Variants in AMPH observed in about 807,000 individuals in gnomAD.
AMPH encodes the protein amphiphysin, also known as amphiphysin (Stiff-Mann syndrome with breast cancer 128kD autoantigen).
In AMPH, 49 loss-of-function variants were observed where a neutral mutation model predicts 99.1. The observed-to-expected ratio is 0.49, with a 90% CI of 0.39 to 0.63. The LOEUF is 0.63. AMPH is among the 20% of genes least tolerant of loss of function. AMPH has a pLI of 0.00. For synonymous variants in AMPH, 314 were observed against 317.3 expected (o/e 0.99, Z 0.11); for missense variants, 759 against 863.4 (o/e 0.88, Z 1.52).
intron 11 of AMPH, among the ~76,000 whole-genome samples, chr7:38,455,636 T>A (rs1020468202): frequency 1.3e-5 from 2 of 152,162 alleles, no homozygotes; most frequent in Admixed American, 6.5e-5. Context: ...GGACTCCACA[T>A]ACCCACCACC....
chr7:38,617,798 TA>T (rs1374136591), intron 1 of AMPH, among the ~76,000 whole-genome samples: 2 of 152,114 alleles, frequency 1.3e-5, no homozygotes, highest in Admixed American at 1.3e-4. Context: ...AGATGTTGCA[TA>T]TATCTTGAGG....
At chr7:38,422,539 A>G in intron 15 of AMPH, 62 bp from the exon 16 acceptor site, 6 of 1,258,624 alleles carry the variant, frequency 4.8e-6, no homozygotes, top group Non-Finnish European at 7.0e-6. Flanking sequence ...GCTACCATCA[A>G]TTGTGTCTGC....
chr7:38,438,537 A>C lies in AMPH; in HGVS notation c.1018-2149T>G, dbSNP rs2392574. On this transcript the variant is annotated intron_variant, in intron 11 of 20. Coordinates refer to ENST00000356264, the MANE Select transcript of AMPH (RefSeq NM_001635.4). ...ATTCTCAAAGTTCTGCAAGTTCTCC[A>C]TAAAATTTTAGGTCATGGGAATATA... is the stretch of plus-strand genomic sequence containing the variant. Among the ~76,000 whole-genome samples the C allele has an allele frequency of 1.4e-4, 5 of 37,004 alleles. No individual in the cohort carries two copies. The Admixed American group carries it at 1.7e-3, about 13-fold the overall frequency. 24.3% of individuals were successfully genotyped at this position (37,004 alleles called of 152,430 possible).
At chr7:38,569,629 CT>C (rs1416036099) in intron 1 of AMPH, among the ~76,000 whole-genome samples, 2 of 151,668 alleles carry the variant, frequency 1.3e-5, no homozygotes, top group Non-Finnish European at 1.5e-5. Context: ...AATGAAAACA[CT>C]TTTTTAAAAG....
At chr7:38,537,452 C>G (rs1316652454) in intron 1 of AMPH, among the ~76,000 whole-genome samples, 10 of 152,068 alleles carry the variant, frequency 6.6e-5, no homozygotes, top group Non-Finnish European at 7.4e-5. Context: ...TAAGCTTATA[C>G]TGAGAAAAAG....
intron 1 of AMPH, among the ~76,000 whole-genome samples, chr7:38,556,723 T>TCCCAATTC: frequency 6.6e-6 from 1 of 152,220 alleles, no homozygotes; most frequent in Non-Finnish European, 1.5e-5. Context: ...TTTCCTCATT[T>TCCCAATTC]GGTATCTGTT....
At chr7:38,601,767 G>A (rs1483430656) in intron 1 of AMPH, among the ~76,000 whole-genome samples, 1 of 152,180 alleles carries the variant, frequency 6.6e-6, no homozygotes, top group African/African-American at 2.4e-5. Context: ...CTCTCTGAGT[G>A]TCTGTTTTCA....
chr7:38,565,862 C>CT (rs1214503485), intron 1 of AMPH, among the ~76,000 whole-genome samples: 1 of 152,168 alleles, frequency 6.6e-6, no homozygotes, highest in Non-Finnish European at 1.5e-5. Flanking sequence ...GTTTTATCAG[C>CT]TTTTTGTAAA....
intron 1 of AMPH, among the ~76,000 whole-genome samples, chr7:38,568,047 T>C (rs138525744): frequency 1.5e-3 from 236 of 152,316 alleles, no homozygotes; most frequent in African/African-American, 5.4e-3. Flanking sequence ...ATAAATGTCA[T>C]TCCAATTTAA....
intron 11 of AMPH, among the ~76,000 whole-genome samples, chr7:38,449,041 A>G (rs1786903831): frequency 6.6e-6 from 1 of 152,184 alleles, no homozygotes; most frequent in Admixed American, 6.5e-5. Context: ...GATAGGGCCT[A>G]TGCTTATAAT....
At chr7:38,466,507 G>A (rs1338206401) in intron 7 of AMPH, among the ~76,000 whole-genome samples, 2 of 151,302 alleles carry the variant, frequency 1.3e-5, no homozygotes, top group East Asian at 1.9e-4. Flanking sequence ...TCAAACTTTA[G>A]TGTGCATGAG....
In AMPH at chr7:38,560,675, A is replaced by C. The variant is rs115830191; in HGVS notation, c.70-25664T>G. ...TAAATCCAAGCCAGTAGCACAATGC[A>C]TGTTTGTTTGTTTTATTTTGTGTTG... On this transcript the variant is annotated intron_variant, in intron 1 of 20. Coordinates refer to ENST00000356264, the MANE Select transcript of AMPH (RefSeq NM_001635.4). 7.2e-3 allele frequency among the ~76,000 whole-genome samples: 1,089 copies of C among 152,274 alleles called. 10 individuals are homozygous for C. Among genetic ancestry groups the C allele is most frequent in the African/African-American group, 0.024 (1,012 of 41,558 alleles).
At chr7:38,488,730 G>C (rs1584157562) in intron 5 of AMPH, among the ~76,000 whole-genome samples, 1 of 152,058 alleles carries the variant, frequency 6.6e-6, no homozygotes, top group East Asian at 1.9e-4. Context: ...AGTTACGAGA[G>C]CAATACCAAT....
At chr7:38,446,841 T>C (rs1786804071) in intron 11 of AMPH, among the ~76,000 whole-genome samples, 1 of 152,182 alleles carries the variant, frequency 6.6e-6, no homozygotes, top group African/African-American at 2.4e-5. Context: ...TAGTGGGAGA[T>C]GGGTTAAACC....
At chr7:38,578,688 A>T in intron 1 of AMPH, among the ~76,000 whole-genome samples, 1 of 152,096 alleles carries the variant, frequency 6.6e-6, no homozygotes, top group East Asian at 1.9e-4. Flanking sequence ...AGGATCACTT[A>T]AGCCCAGGAG....
intron 1 of AMPH, among the ~76,000 whole-genome samples, chr7:38,600,716 TG>T (rs1793216167): frequency 6.6e-6 from 1 of 152,244 alleles, no homozygotes. Flanking sequence ...AACTCCTACC[TG>T]GTTACAGAGG....
chr7:38,587,158 G>A (rs778769680), intron 1 of AMPH, among the ~76,000 whole-genome samples: 4 of 152,010 alleles, frequency 2.6e-5, no homozygotes, highest in African/African-American at 4.8e-5. Flanking sequence ...AACTTTTTTC[G>A]CTCCTGAAGA....
chr7:38,420,049 G>A (rs1785527083), intron 16 of AMPH, among the ~76,000 whole-genome samples: 1 of 152,116 alleles, frequency 6.6e-6, no homozygotes. Flanking sequence ...CTAGTATAAA[G>A]AGAACATAGG....
chr7:38,403,694 T>G (rs184093743), intron 17 of AMPH, among the ~76,000 whole-genome samples: 4 of 152,300 alleles, frequency 2.6e-5, no homozygotes, highest in African/African-American at 9.6e-5. Flanking sequence ...CCTGCCAAAG[T>G]GCCCCTTGGA....
Sources: gnomAD v4.1 joint callset for allele counts (sites outside exome capture counted in the v4.1 genomes callset) on GRCh38, gnomAD v4.1.1 for gene constraint, MANE v1.5 for transcripts, NCBI Gene and HGNC (gene_info 2026-07-23, HGNC 2026-07-21) for gene names.